The following CDH18 variants were observed in gnomAD, a reference collection of about 807,000 sequenced individuals.
CDH18 encodes the protein cadherin-18.
CDH18 carries 31 observed loss-of-function variants against 67.9 expected under a neutral mutation model. The observed-to-expected ratio is 0.46, with a 90% confidence interval of 0.34 to 0.62. CDH18 has a LOEUF of 0.62. Among genes scored for constraint, CDH18 ranks in the 20% least tolerant of loss-of-function variants. CDH18 has a pLI of 0.01. For synonymous variants in CDH18, 362 were observed against 347.2 expected (o/e 1.04, Z -0.48); for missense variants, 890 against 975.5 (o/e 0.91, Z 1.17).
chr5:20,135,346 C>A (rs1749613497), intron 2 of CDH18, among the ~76,000 whole-genome samples: 1 of 152,082 alleles, frequency 6.6e-6, no homozygotes, highest in Non-Finnish European at 1.5e-5. Context: ...GAAATTTATC[C>A]ATTTCTTCTA....
In CDH18 at chr5:20,481,371, A is replaced by G. The variant is rs528625596; in HGVS notation, c.-580+94091T>C. Among the ~76,000 whole-genome samples the G allele has an allele frequency of 3.3e-5, 5 of 152,312 alleles. No homozygotes were observed. In the East Asian group the frequency reaches 5.8e-4, roughly 18 times the overall value. On this transcript the variant is annotated intron_variant, in intron 1 of 14. Transcript: ENST00000507958. Reference sequence around the variant, plus strand: ...AAAGCTAAAAGAGAGATAGCTGCAGACTTCAACACTCCATTTTTAGCAATA... The same window carrying G: ...AAAGCTAAAAGAGAGATAGCTGCAGGCTTCAACACTCCATTTTTAGCAATA...
chr5:20,240,913 G>GA (rs1464132906), intron 2 of CDH18, among the ~76,000 whole-genome samples: 2 of 152,042 alleles, frequency 1.3e-5, no homozygotes, highest in African/African-American at 4.8e-5. Flanking sequence ...TGATGATATA[G>GA]AAAAAACATG....
intron 2 of CDH18, among the ~76,000 whole-genome samples, chr5:20,062,161 T>TATTATTATTATTATTATG (rs1742555686): frequency 6.8e-6 from 1 of 147,714 alleles, no homozygotes; most frequent in Admixed American, 6.8e-5. Flanking sequence ...TTATTATTAT[T>TATTATTATTATTATTATG]ATTATTATTA....
intron 2 of CDH18, among the ~76,000 whole-genome samples, chr5:20,186,723 A>G (rs1192726325): frequency 1.4e-5 from 2 of 147,580 alleles, no homozygotes; most frequent in African/African-American, 2.4e-5. Context: ...TGATGTAGTC[A>G]CTTTGGAAAA....
chr5:20,281,174 G>A (rs1580657094), intron 1 of CDH18, among the ~76,000 whole-genome samples: 1 of 152,104 alleles, frequency 6.6e-6, no homozygotes, highest in East Asian at 1.9e-4. Flanking sequence ...TCACTCTGAT[G>A]GTAGTTTCTT....
At chr5:20,513,245 C>T (rs1755156154) in intron 1 of CDH18, among the ~76,000 whole-genome samples, 1 of 152,086 alleles carries the variant, frequency 6.6e-6, no homozygotes, top group Non-Finnish European at 1.5e-5. Context: ...TTAGAAGATC[C>T]TGCATTTTAT....
chr5:20,295,650 C>G (rs1453824351), intron 1 of CDH18, among the ~76,000 whole-genome samples: 1 of 151,534 alleles, frequency 6.6e-6, no homozygotes, highest in African/African-American at 2.4e-5. Flanking sequence ...TCACTTGAAC[C>G]CAGGAGGTGG....
chr5:19,809,324 G>C (rs1218201041), intron 3 of CDH18, among the ~76,000 whole-genome samples: 1 of 152,040 alleles, frequency 6.6e-6, no homozygotes, highest in Admixed American at 6.6e-5. Context: ...CCAATAATTT[G>C]ATTTTTACAC....
intron 1 of CDH18, among the ~76,000 whole-genome samples, chr5:20,508,365 A>G (rs1347892344): frequency 1.8e-4 from 22 of 122,670 alleles, no homozygotes; most frequent in Non-Finnish European, 2.4e-4. Context: ...ATATATATAT[A>G]TGTATATTTA....
In CDH18 at chr5:20,162,965, C is replaced by T. The variant is rs186824627; in HGVS notation, c.-518+92479G>A. Among the ~76,000 whole-genome samples the T allele has an allele frequency of 3.0e-3, 462 of 151,696 alleles. 3 individuals carry two copies. The highest frequency in any genetic ancestry group is 3.9e-3 in the Admixed American group (60 of 15,232). ...TCCCAGCTACTTGGTAGGCTGGGGC[C>T]GGAGAATCGCTTGAACCCGGGAGGC... On this transcript the variant is annotated intron_variant, in intron 2 of 14. Coordinates refer to the CDH18 transcript ENST00000507958.
At chr5:20,503,922 C>T (rs1045999838) in intron 1 of CDH18, among the ~76,000 whole-genome samples, 1 of 151,792 alleles carries the variant, frequency 6.6e-6, no homozygotes. Context: ...CCTGTAGTCC[C>T]AGCTACTCAG....
At chr5:20,126,048 TC>T (rs1373624238) in intron 2 of CDH18, among the ~76,000 whole-genome samples, 1 of 152,102 alleles carries the variant, frequency 6.6e-6, no homozygotes, top group Non-Finnish European at 1.5e-5. Flanking sequence ...GTCCCACACT[TC>T]CGGATTTCAA....
chr5:19,600,898 C>G (rs1298412900), intron 6 of CDH18, among the ~76,000 whole-genome samples: 1 of 152,108 alleles, frequency 6.6e-6, no homozygotes, highest in African/African-American at 2.4e-5. Context: ...AGCTCCAAGC[C>G]TGTACACATT....
At chr5:20,442,976 G>A (rs972442692) in intron 1 of CDH18, among the ~76,000 whole-genome samples, 13 of 151,430 alleles carry the variant, frequency 8.6e-5, no homozygotes, top group African/African-American at 2.7e-4. Context: ...TTGGGAGGCC[G>A]AGGCGGGCGG....
chr5:19,994,649 A>G (rs1484880333), intron 2 of CDH18, among the ~76,000 whole-genome samples: 1 of 137,268 alleles, frequency 7.3e-6, no homozygotes, highest in African/African-American at 2.7e-5. Context: ...CCCTCTAGCA[A>G]TAACATTTTT....
At chr5:19,807,902 C>T (rs1778199103) in intron 3 of CDH18, among the ~76,000 whole-genome samples, 1 of 152,154 alleles carries the variant, frequency 6.6e-6, no homozygotes, top group Non-Finnish European at 1.5e-5. Flanking sequence ...CTTTCCCAAT[C>T]TATCTGCTTT....
intron 1 of CDH18, among the ~76,000 whole-genome samples, chr5:20,286,378 T>C (rs918356689): frequency 1.3e-5 from 2 of 151,678 alleles, no homozygotes; most frequent in African/African-American, 2.4e-5. Flanking sequence ...TAACCACTTA[T>C]ATGTTTGCTG....
chr5:20,032,366 T>C (rs1739480635), intron 2 of CDH18, among the ~76,000 whole-genome samples: 4 of 151,932 alleles, frequency 2.6e-5, no homozygotes, highest in African/African-American at 9.7e-5. Flanking sequence ...GGACAAGTTA[T>C]ATTTTACAGA....
intron 2 of CDH18, among the ~76,000 whole-genome samples, chr5:19,945,491 G>A (rs567253914): frequency 1.3e-5 from 2 of 152,132 alleles, no homozygotes; most frequent in African/African-American, 4.8e-5. Flanking sequence ...ATCATAGCAG[G>A]GAGGGAGACA....
Sources: allele counts gnomAD v4.1 joint callset (sites outside exome capture counted in the v4.1 genomes callset), GRCh38; gene constraint gnomAD v4.1.1; transcripts MANE v1.5; gene names NCBI Gene and HGNC (gene_info 2026-07-23, HGNC 2026-07-21).